DPP6: variants seen among roughly 807,000 people sequenced by gnomAD.
DPP6 encodes A-type potassium channel modulatory protein DPP6.
Under a neutral mutation model 122.6 loss-of-function variants are expected in DPP6, and 69 were observed. The observed-to-expected ratio is 0.56, with a 90% CI of 0.46 to 0.69. The LOEUF is 0.69. Ranked by LOEUF, DPP6 falls within the 30% of genes least tolerant of loss-of-function variation. The pLI, the probability that DPP6 is intolerant of heterozygous loss-of-function variation, is 0.00. For synonymous variants in DPP6, 418 were observed against 433.1 expected, an observed-to-expected ratio of 0.97 and a Z score of 0.43; for missense variants, 928 against 1,116.9, an observed-to-expected ratio of 0.83 and a Z score of 2.41.
chr7:154,862,095 C>G (rs971886551), intron 17 of DPP6, among the ~76,000 whole-genome samples: 1 of 152,224 alleles, frequency 6.6e-6, no homozygotes, highest in African/African-American at 2.4e-5. Context: ...TTACCCATTA[C>G]TGGGGGAGTT....
chr7:154,314,605 G>C (rs1024569263), intron 1 of DPP6, among the ~76,000 whole-genome samples: 2 of 152,222 alleles, frequency 1.3e-5, no homozygotes, highest in Admixed American at 1.3e-4. Context: ...CAGAGCCCCA[G>C]GGCATGGGGG....
At chr7:154,266,854 G>C (rs541716497) in intron 1 of DPP6, among the ~76,000 whole-genome samples, 5 of 152,244 alleles carry the variant, frequency 3.3e-5, no homozygotes, top group African/African-American at 1.2e-4. Context: ...TTTGCCTTTT[G>C]TACTTTCATT....
intron 1 of DPP6, among the ~76,000 whole-genome samples, chr7:153,900,730 G>T (rs1252954655): frequency 1.3e-5 from 2 of 152,142 alleles, no homozygotes; most frequent in Non-Finnish European, 2.9e-5. Flanking sequence ...CATGAGGTTT[G>T]GGGGGTGGAT....
intron 1 of DPP6, among the ~76,000 whole-genome samples, chr7:153,893,589 A>G (rs887593474): frequency 1.3e-5 from 2 of 152,256 alleles, no homozygotes; most frequent in Non-Finnish European, 2.9e-5. Flanking sequence ...AATTCCCTGC[A>G]TAGAGTATTT....
intron 1 of DPP6, among the ~76,000 whole-genome samples, chr7:153,909,923 C>T (rs1800007758): frequency 6.6e-6 from 1 of 152,114 alleles, no homozygotes; most frequent in Admixed American, 6.5e-5. Context: ...TTGTCTCAGG[C>T]TGTCTTCTGT....
At chr7:154,124,408 C>T (rs1439218935) in intron 1 of DPP6, among the ~76,000 whole-genome samples, 2 of 152,008 alleles carry the variant, frequency 1.3e-5, no homozygotes, top group Admixed American at 6.5e-5. Context: ...GGCAGGGGTG[C>T]AGCTTGTCAT....
intron 4 of DPP6, among the ~76,000 whole-genome samples, chr7:154,560,795 A>G (rs1171786253): frequency 6.6e-6 from 1 of 151,932 alleles, no homozygotes; most frequent in Admixed American, 6.6e-5. Flanking sequence ...AGGCAGGACA[A>G]TCGCTTGAAC....
chr7:154,165,205 G>A (rs1166575579), intron 1 of DPP6, among the ~76,000 whole-genome samples: 4 of 135,340 alleles, frequency 3.0e-5, no homozygotes, highest in Admixed American at 2.6e-4. Context: ...CCCTTCCTGT[G>A]TCCATGTGAT....
chr7:154,254,902 T>G (rs1048159614), intron 1 of DPP6, among the ~76,000 whole-genome samples: 5 of 151,922 alleles, frequency 3.3e-5, no homozygotes, highest in Admixed American at 2.0e-4. Context: ...GGAATAAGTG[T>G]AGGAGGAATA....
At position 154,241,185 on chromosome 7, in the gene DPP6, A is replaced by ATGCGTGCGTGTG. The variant is rs34454400; in HGVS notation, c.243+188124_243+188125insCGTGCGTGTGTG. On this transcript the variant is annotated intron_variant, in intron 1 of 25. Transcript: ENST00000377770. The surrounding 1 kb of genome is among the most constrained non-coding windows in gnomAD (Gnocchi z 9.0). ...GCACAGTAGGTAATTCAATATCAATATGTGTGTGTGTGTGTGTGTGTGTGT... is the reference window on the plus strand; with the variant it reads ...GCACAGTAGGTAATTCAATATCAATATGCGTGCGTGTGTGTGTGTGTGTGTGTGTGTGTGTGT... Among the ~76,000 whole-genome samples the ATGCGTGCGTGTG allele has an allele frequency of 7.3e-6, 1 of 136,212 alleles. No homozygotes were observed. The highest frequency in any genetic ancestry group is 1.6e-5 in the Non-Finnish European group (1 of 64,002). 89.4% of individuals were successfully genotyped at this position (136,212 alleles called of 152,430 possible).
chr7:154,723,447 G>T (rs939015496), intron 7 of DPP6, among the ~76,000 whole-genome samples: 1 of 145,378 alleles, frequency 6.9e-6, no homozygotes, highest in African/African-American at 2.5e-5. Flanking sequence ...ATCCATTGTA[G>T]GCTTACAACA....
chr7:154,428,755 C>T (rs777012271), intron 1 of DPP6, among the ~76,000 whole-genome samples: 18 of 152,092 alleles, frequency 1.2e-4, no homozygotes, highest in African/African-American at 1.7e-4. Context: ...GAATGGAAAA[C>T]CTAATATTGT....
intron 1 of DPP6, among the ~76,000 whole-genome samples, chr7:154,002,009 A>G (rs1479072704): frequency 6.6e-6 from 1 of 152,008 alleles, no homozygotes; most frequent in African/African-American, 2.4e-5. Flanking sequence ...CCATTTACGT[A>G]TTTGAACTGT....
intron 1 of DPP6, among the ~76,000 whole-genome samples, chr7:154,071,138 G>T (rs1159069344): frequency 1.3e-5 from 2 of 152,108 alleles, no homozygotes; most frequent in African/African-American, 2.4e-5. Context: ...GGTTTGCCAG[G>T]GTTATTCCTA....
chr7:154,091,814 T>C (rs1489614301), intron 1 of DPP6, among the ~76,000 whole-genome samples: 1 of 151,988 alleles, frequency 6.6e-6, no homozygotes, highest in Non-Finnish European at 1.5e-5. Context: ...AAGGAGTTGA[T>C]GTGGACATCC....
chr7:153,975,073 A>G (rs1796225538), intron 1 of DPP6, among the ~76,000 whole-genome samples: 1 of 152,142 alleles, frequency 6.6e-6, no homozygotes, highest in Admixed American at 6.5e-5. Context: ...CTAAATACCT[A>G]CTACGTACCA....
chr7:154,412,405 G>T (rs536703487), intron 1 of DPP6, among the ~76,000 whole-genome samples: 1 of 152,164 alleles, frequency 6.6e-6, no homozygotes, highest in African/African-American at 2.4e-5. Flanking sequence ...GTCCTCACCT[G>T]TCCTTTCTGA....
At chr7:154,058,694 A>G (rs1214224601) in intron 1 of DPP6, 1 of 149,094 alleles carries the variant, frequency 6.7e-6, no homozygotes, top group Admixed American at 6.6e-5. Context: ...GTCCAAGTAG[A>G]AAGTTCAAAT....
rs150796459 is a variant in DPP6 at position 154,878,933 on chromosome 7, G to A, written c.2079-1955G>A. ...TCATTTGTTCACGTAGCTAGTGGAG[G>A]AAGCCAAAATAGTTATCCCCAAAAT... On this transcript the variant is annotated intron_variant, in intron 20 of 25. Transcript: ENST00000377770. Among the ~76,000 whole-genome samples the A allele has an allele frequency of 2.2e-4, 33 of 152,340 alleles. No individual in the cohort carries two copies. The East Asian group carries it at 6.4e-3, about 29-fold the overall frequency.
Sources: allele counts gnomAD v4.1 joint callset (sites outside exome capture counted in the v4.1 genomes callset), GRCh38; gene constraint gnomAD v4.1.1; non-coding constraint Gnocchi (gnomAD v3.1); transcripts MANE v1.5; gene names NCBI Gene and HGNC (gene_info 2026-07-23, HGNC 2026-07-21).